Variants in ARL5C observed in about 807,000 individuals in gnomAD.
ARL5C encodes putative ADP-ribosylation factor-like protein 5C.
Under a neutral mutation model 20.8 loss-of-function variants are expected in ARL5C, and 21 were observed. The observed-to-expected ratio is 1.01, with a 90% CI of 0.72 to 1.46. ARL5C has a LOEUF of 1.46. Among genes scored for constraint, ARL5C ranks in the 40% most tolerant of loss-of-function variants. ARL5C has a pLI of 0.00. For missense variants in ARL5C, 199 were observed against 225.1 expected (o/e 0.88, Z 0.74); for synonymous variants, 71 against 81.6 (o/e 0.87, Z 0.70).
At chr17:39,165,312 G>T (rs969876479) in intron 1 of ARL5C, 173 bp from the exon 2 acceptor site, 1 of 646,200 alleles carries the variant, frequency 1.5e-6, no homozygotes, top group Non-Finnish European at 2.7e-6. Context: ...ACTCCGGGAC[G>T]GTGGAAAAGA....
At chr17:39,158,587 T>C (rs2045418220) in intron 5 of ARL5C, among the ~76,000 whole-genome samples, 1 of 145,906 alleles carries the variant, frequency 6.9e-6, no homozygotes, top group Admixed American at 6.9e-5. Context: ...TACTCCAGCC[T>C]GGGGGGTGAC....
chr17:39,158,062 C>T (rs1374764683), intron 5 of ARL5C, among the ~76,000 whole-genome samples: 7 of 147,452 alleles, frequency 4.7e-5, no homozygotes, highest in Admixed American at 2.0e-4. Flanking sequence ...CGCGCCACTG[C>T]GCTCCAGCCT....
rs1836341285 is a variant in ARL5C, at chr17:39,165,112, T to A, written c.74A>T (p.Asp25Val). 6.4e-7 allele frequency: 1 copy of A among 1,551,538 alleles called. No homozygotes were observed. The highest frequency in any genetic ancestry group is 8.7e-7 in the Non-Finnish European group (1 of 1,146,984). The part of the protein sequence containing the change: ...QEHTVIIVGL[D>V]NEGKTTILYR... ...GAGAATGGTGGTCTTTCCTTCATTG[T>A]CCAGTCCCACGATGATGACCGTGTG... is the stretch of plus-strand genomic sequence containing the variant. Residue 25 changes from aspartate (D) to valine (V), a missense_variant, in exon 2 of 6, where the codon GAC becomes GTC. Asp to Val is a radical substitution (Grantham distance 152, BLOSUM62 -3). Transcript: ENST00000269586.
At position 39,157,350 on chromosome 17, in the gene ARL5C, G is replaced by A. The variant is rs978567546; in HGVS notation, c.492-408C>T. Among the ~76,000 whole-genome samples, 9 of 152,272 alleles carry A rather than the reference G, an allele frequency of 5.9e-5. No homozygotes were observed. The South Asian group carries it at 1.7e-3, about 28-fold the overall frequency. Reference sequence around the variant, plus strand: ...GTGTCTCTGGGCAAGGATTCTTCACGGTGATCTGTGCCAGAAAGAGGTTCC... The same window carrying A: ...GTGTCTCTGGGCAAGGATTCTTCACAGTGATCTGTGCCAGAAAGAGGTTCC... On this transcript the variant is annotated intron_variant, in intron 5 of 5. Transcript: ENST00000269586.
intron 3 of ARL5C, among the ~76,000 whole-genome samples, chr17:39,162,461 C>G (rs902414132): frequency 4.6e-5 from 7 of 152,050 alleles, no homozygotes; most frequent in Non-Finnish European, 8.8e-5. Flanking sequence ...ACACCATGCC[C>G]AGCTAATTTT....
intron 2 of ARL5C, 35 bp from the exon 3 acceptor site, chr17:39,162,893 C>G: frequency 6.5e-7 from 1 of 1,543,376 alleles, no homozygotes; most frequent in Non-Finnish European, 8.7e-7. Context: ...AGAGCTCAGT[C>G]CAGCCTACTC....
intron 1 of ARL5C, chr17:39,165,484 A>G (rs2045458342): frequency 1.7e-6 from 1 of 604,618 alleles, no homozygotes; most frequent in Non-Finnish European, 2.9e-6. Context: ...GGCTCCGTTT[A>G]GCGGGGAGAA....
rs2045459866 is a variant in ARL5C at position 39,165,718 on chromosome 17, G to A, written c.43C>T (p.Gln15Ter). The A allele has an allele frequency of 1.3e-6, 2 of 1,551,756 alleles. No individual in the cohort carries two copies. The highest frequency in any genetic ancestry group is 1.2e-5 in the South Asian group (1 of 84,070). Residue 15 changes from glutamine to a stop codon, truncating the protein, a stop_gained, in exon 1 of 6, where the codon CAG (glutamine) becomes TAG (stop). Transcript: ENST00000269586. LOFTEE classifies it high-confidence loss of function. ...GGATGCCCTGTGCGCCCCTTACCCT[G>A]GTTCCCGAAGATGCTCATTAACTTG... ...IAKLMSIFGNQEHTVIIVGLD... is the reference protein window; with the variant it reads ...IAKLMSIFGN
At chr17:39,157,414 C>G (rs772554749) in intron 5 of ARL5C, among the ~76,000 whole-genome samples, 3 of 152,148 alleles carry the variant, frequency 2.0e-5, no homozygotes, top group East Asian at 1.9e-4. Flanking sequence ...GCAACTCCGG[C>G]GCATGGGTGG....
Position 39,160,659 on chromosome 17 carries a change from G to A in ARL5C, c.423C>T (p.Phe141=), listed in dbSNP as rs1190446445. 3 of 1,551,740 alleles carry A rather than the reference G, an allele frequency of 1.9e-6. No individual in the cohort carries two copies. In the South Asian group the frequency reaches 3.6e-5, roughly 18 times the overall value. The change falls in exon 5 of 6, where the codon TTC becomes TTT. Residue 141 remains phenylalanine, a synonymous_variant. Coordinates refer to ENST00000269586, the MANE Select transcript of ARL5C (RefSeq NM_001143968.1). The part of the protein sequence containing the change: ...DSMRMVEISH[F]LTLSTIKDHS... ...GGTCTTTGATGGTGCTGAGAGTAAG[G>A]AAATGGGAGATCTCCACCATCCTCA...
intron 5 of ARL5C, among the ~76,000 whole-genome samples, chr17:39,159,030 T>TG (rs2045421111): frequency 8.3e-6 from 1 of 121,166 alleles, no homozygotes; most frequent in African/African-American, 3.2e-5. Flanking sequence ...TTGTTTTTTT[T>TG]TTTTTTTTTT....
chr17:39,157,761 G>C (rs1414842656), intron 5 of ARL5C, among the ~76,000 whole-genome samples: 1 of 147,646 alleles, frequency 6.8e-6, no homozygotes, highest in African/African-American at 2.5e-5. Flanking sequence ...TTGCACTCCA[G>C]CCTGGGCAAC....
intron 3 of ARL5C, among the ~76,000 whole-genome samples, 186 bp from the exon 4 acceptor site, chr17:39,161,537 G>A (rs555057508): frequency 1.8e-4 from 27 of 148,158 alleles, no homozygotes; most frequent in East Asian, 3.9e-4. Flanking sequence ...TTTTTGAGGC[G>A]GAGTCTCGCT....
chr17:39,158,470 G>T lies in ARL5C; in HGVS notation c.492-1528C>A, dbSNP rs1160854627. Among the ~76,000 whole-genome samples the T allele has an allele frequency of 3.9e-5, 6 of 152,016 alleles. No homozygotes were observed. In the East Asian group the frequency reaches 1.2e-3, roughly 29 times the overall value. On this transcript the variant is annotated intron_variant, in intron 5 of 5. Transcript: ENST00000269586. Reference sequence around the variant, plus strand: ...CTCTACAAAAATACAAAAATTACCAGGGCATGGTGGTGTGCGCCTGTAGTC... The same window carrying T: ...CTCTACAAAAATACAAAAATTACCATGGCATGGTGGTGTGCGCCTGTAGTC...
At position 39,161,364 on chromosome 17, in the gene ARL5C, G is replaced by A; in HGVS notation, c.256-13C>T. The A allele has an allele frequency of 1.3e-6, 2 of 1,551,612 alleles. No homozygotes were observed. The highest frequency in any genetic ancestry group is 1.7e-6 in the Non-Finnish European group (2 of 1,146,786). On this transcript the variant is annotated splice_polypyrimidine_tract_variant and intron_variant, in intron 3 of 5. Coordinates refer to ENST00000269586, the MANE Select transcript of ARL5C (RefSeq NM_001143968.1). ...CAAGGATGATAAACTGGGCAGCAGA[G>A]GGGAGCCGTGAGAGACAGGCTTTCT...
intron 5 of ARL5C, chr17:39,160,344 GAGA>G (rs1480353161): frequency 6.9e-5 from 29 of 420,318 alleles, no homozygotes; most frequent in African/African-American, 5.8e-4. Context: ...AAAAAAGAGA[GAGA>G]GATTATTGCA....
intron 3 of ARL5C, 148 bp from the exon 4 acceptor site, chr17:39,161,499 G>T: frequency 1.5e-6 from 1 of 670,294 alleles, no homozygotes; most frequent in Non-Finnish European, 2.5e-6. Flanking sequence ...TCACCACCCT[G>T]CTTCCATTAT....
chr17:39,159,852 T>C (rs1169380743), intron 5 of ARL5C, among the ~76,000 whole-genome samples: 3 of 152,212 alleles, frequency 2.0e-5, no homozygotes, highest in African/African-American at 7.2e-5. Context: ...AGTGAGTCAA[T>C]GATTTCTGCC....
At chr17:39,162,685 C>G (rs1289218249) in intron 3 of ARL5C, 26 bp downstream of exon 3, 2 of 1,546,560 alleles carry the variant, frequency 1.3e-6, no homozygotes, top group African/African-American at 1.4e-5. Context: ...GCCTTGGAGA[C>G]CCTTCAGCCC....
Sources: allele counts gnomAD v4.1 joint callset (sites outside exome capture counted in the v4.1 genomes callset), GRCh38; gene constraint gnomAD v4.1.1; transcripts MANE v1.5; gene names NCBI Gene and HGNC (gene_info 2026-07-23, HGNC 2026-07-21).